The following CWC27 variants were observed in gnomAD, a reference collection of about 807,000 sequenced individuals.
CWC27 encodes the protein CWC27 spliceosome associated cyclophilin.
Under a neutral mutation model 63.6 loss-of-function variants are expected in CWC27, and 47 were observed. The ratio of observed to expected loss-of-function variants is 0.74; its 90% CI spans 0.58 to 0.94. The LOEUF is 0.94. CWC27 is among the 40% of genes least tolerant of loss of function. The pLI, the probability that CWC27 is intolerant of heterozygous loss-of-function variation, is 0.00. For synonymous variants in CWC27, 175 were observed against 179.8 expected, an observed-to-expected ratio of 0.97 and a Z score of 0.22; for missense variants, 495 against 554.3, an observed-to-expected ratio of 0.89 and a Z score of 1.07.
At chr5:64,939,489 G>A (rs1028678448) in intron 11 of CWC27, among the ~76,000 whole-genome samples, 4 of 152,188 alleles carry the variant, frequency 2.6e-5, no homozygotes, top group African/African-American at 9.7e-5. Flanking sequence ...TCTTCTGGAA[G>A]CTTCATCCCA....
chr5:64,848,898 C>G (rs563359811), intron 10 of CWC27, among the ~76,000 whole-genome samples: 25 of 152,192 alleles, frequency 1.6e-4, no homozygotes, highest in African/African-American at 5.8e-4. Context: ...GGTGAAAAAG[C>G]TGAAAGCTTT....
chr5:64,925,856 T>C (rs968345608), intron 11 of CWC27, among the ~76,000 whole-genome samples: 6 of 152,224 alleles, frequency 3.9e-5, no homozygotes, highest in Non-Finnish European at 5.9e-5. Flanking sequence ...CCCTTTCTTA[T>C]GTGTGTCATG....
chr5:64,847,848 A>C (rs1445904298), intron 10 of CWC27, among the ~76,000 whole-genome samples: 1 of 152,094 alleles, frequency 6.6e-6, no homozygotes, highest in Non-Finnish European at 1.5e-5. Context: ...TAAATACAAC[A>C]TACTAAGACT....
chr5:64,913,975 G>C (rs576529498), intron 11 of CWC27, among the ~76,000 whole-genome samples: 74 of 152,224 alleles, frequency 4.9e-4, no homozygotes, highest in African/African-American at 1.8e-3. Flanking sequence ...GGATTGATAT[G>C]ATGACTGACA....
At chr5:64,875,011 C>T (rs942722527) in intron 10 of CWC27, among the ~76,000 whole-genome samples, 1 of 151,884 alleles carries the variant, frequency 6.6e-6, no homozygotes, top group African/African-American at 2.4e-5. Flanking sequence ...CTTGGCTAAG[C>T]CAAGTTTTTG....
chr5:64,935,586 C>G (rs1220940735), intron 11 of CWC27, among the ~76,000 whole-genome samples: 1 of 152,010 alleles, frequency 6.6e-6, no homozygotes, highest in Non-Finnish European at 1.5e-5. Flanking sequence ...GGCTATACAG[C>G]CTCTTCTTTG....
intron 10 of CWC27, among the ~76,000 whole-genome samples, chr5:64,877,240 A>G (rs1746815488): frequency 6.6e-6 from 1 of 152,072 alleles, no homozygotes; most frequent in East Asian, 1.9e-4. Context: ...CCATAAAAGG[A>G]TGAAATCCTA....
At chr5:64,798,855 A>G (rs1432147137) in intron 7 of CWC27, among the ~76,000 whole-genome samples, 1 of 152,198 alleles carries the variant, frequency 6.6e-6, no homozygotes, top group Non-Finnish European at 1.5e-5. Flanking sequence ...CAAAGCAGAA[A>G]TTATTCTTTC....
intron 2 of CWC27, among the ~76,000 whole-genome samples, chr5:64,776,081 GA>G (rs1743435627): frequency 3.3e-5 from 1 of 29,962 alleles, no homozygotes; most frequent in South Asian, 3.2e-3. Flanking sequence ...GAGAGAGAGA[GA>G]GAGAGAGAGA....
At chr5:64,984,755 AATAAT>A (rs1269091648) in intron 13 of CWC27, among the ~76,000 whole-genome samples, 105 of 152,306 alleles carry the variant, frequency 6.9e-4, no homozygotes, top group African/African-American at 2.5e-3. Flanking sequence ...ATTTTTCTCC[AATAAT>A]ATTTTTCACG....
At chr5:65,015,653 G>A (rs1222024322) in intron 13 of CWC27, among the ~76,000 whole-genome samples, 1 of 152,134 alleles carries the variant, frequency 6.6e-6, no homozygotes, top group African/African-American at 2.4e-5. Flanking sequence ...GCATTTTGTG[G>A]GGGATGCAGC....
chr5:64,966,390 G>T (rs558740219), intron 11 of CWC27, among the ~76,000 whole-genome samples: 1 of 152,218 alleles, frequency 6.6e-6, no homozygotes, highest in Non-Finnish European at 1.5e-5. Flanking sequence ...CAGTGTGAGT[G>T]TATATTTTGA....
intron 10 of CWC27, among the ~76,000 whole-genome samples, chr5:64,829,844 C>T (rs1167298922): frequency 6.6e-6 from 1 of 151,268 alleles, no homozygotes; most frequent in Non-Finnish European, 1.5e-5. Context: ...CTCCCTGTGT[C>T]CATGTGTTAT....
intron 10 of CWC27, among the ~76,000 whole-genome samples, chr5:64,869,430 T>C (rs1459472129): frequency 1.3e-5 from 2 of 152,102 alleles, no homozygotes; most frequent in Admixed American, 1.3e-4. Context: ...CCTTATTTTC[T>C]TGAAGGGTCG....
intron 13 of CWC27, among the ~76,000 whole-genome samples, chr5:64,987,613 T>C (rs986724819): frequency 1.3e-5 from 2 of 152,236 alleles, no homozygotes; most frequent in Non-Finnish European, 2.9e-5. Flanking sequence ...ATGATGATTT[T>C]AGAGCAGATC....
intron 13 of CWC27, among the ~76,000 whole-genome samples, chr5:65,004,861 C>CATATATATATAT (rs1170127729): frequency 5.9e-4 from 27 of 45,468 alleles, no homozygotes; most frequent in Non-Finnish European, 8.2e-4. Flanking sequence ...AAGACTTTTT[C>CATATATATATAT]ATATATATAT....
chr5:64,821,753 G>A (rs1745202254), intron 10 of CWC27, among the ~76,000 whole-genome samples: 1 of 152,096 alleles, frequency 6.6e-6, no homozygotes, highest in Admixed American at 6.6e-5. Flanking sequence ...GTTTTTAAAA[G>A]TTTAACTTAT....
At chr5:64,970,889 C>CATCTGTCT (rs1329819453) in intron 11 of CWC27, among the ~76,000 whole-genome samples, 2 of 151,686 alleles carry the variant, frequency 1.3e-5, no homozygotes, top group East Asian at 1.9e-4. Flanking sequence ...AGACAGATTA[C>CATCTGTCT]TAGCATTCTT....
At chr5:64,960,772 C>G (rs62370965) in intron 11 of CWC27, among the ~76,000 whole-genome samples, 14,131 of 144,822 alleles carry the variant, frequency 0.098, 954 homozygotes, top group Non-Finnish European at 0.14. Context: ...CACAGAATAG[C>G]CACTCAGTAC....
Sources: gnomAD v4.1 joint callset for allele counts (sites outside exome capture counted in the v4.1 genomes callset) on GRCh38, gnomAD v4.1.1 for gene constraint, MANE v1.5 for transcripts, NCBI Gene and HGNC (gene_info 2026-07-23, HGNC 2026-07-21) for gene names.